CHRNA4: variants seen among roughly 807,000 people sequenced by gnomAD.
The protein encoded by CHRNA4 is neuronal acetylcholine receptor subunit alpha-4.
Under a neutral mutation model 48.9 loss-of-function variants are expected in CHRNA4, and 28 were observed. The observed-to-expected ratio is 0.57, with a 90% CI of 0.42 to 0.79. The LOEUF (loss-of-function observed/expected upper bound fraction) is 0.79, where lower values mean the gene tolerates loss of function less well. Ranked by LOEUF, CHRNA4 falls within the 30% of genes least tolerant of loss-of-function variation. The probability of loss-of-function intolerance (pLI) is 0.00; values close to 1 mark genes in which losing one functional copy is unlikely to be tolerated. For synonymous variants in CHRNA4, 425 were observed against 402.3 expected, an observed-to-expected ratio of 1.06 and a Z score of -0.68; for missense variants, 859 against 898.4, an observed-to-expected ratio of 0.96 and a Z score of 0.56.
rs960641577 is a variant in CHRNA4 at position 63,344,153 on chromosome 20, G to A, written c.*2585C>T. On this transcript the variant is annotated 3_prime_UTR_variant, in exon 6 of 6. Coordinates refer to ENST00000370263, the MANE Select transcript of CHRNA4 (RefSeq NM_000744.7). This position sits in a 1 kb window ranked among gnomAD's most constrained non-coding sequence, Gnocchi z 4.5. ...GAAGGAACAGACAGCAAGGAGCTAC[G>A]GACACACACAACAGCACGGATGAAG... The A allele has an allele frequency of 1.1e-5, 5 of 453,970 alleles. No homozygotes were observed. The highest frequency in any genetic ancestry group is 6.0e-5 in the African/African-American group (3 of 49,982). The allele number at this position is 453,970 out of a possible 1,614,324, so 28.1% of individuals were successfully genotyped here.
chr20:63,355,391 T>G, intron 4 of CHRNA4: 3 of 686,418 alleles, frequency 4.4e-6, no homozygotes, highest in Non-Finnish European at 6.6e-6. Context: ...GCCCGAGGCT[T>G]TGTTTGTTTG....
intron 5 of CHRNA4, chr20:63,347,069 A>G (rs2123464257): frequency 1.4e-6 from 1 of 698,172 alleles, no homozygotes; most frequent in South Asian, 1.7e-5. Context: ...GGGGGGCATC[A>G]TCACCATGGT....
chr20:63,361,105 T>A lies in CHRNA4; in HGVS notation c.61A>T (p.Thr21Ser). 1 of 1,473,136 alleles carries A rather than the reference T, an allele frequency of 6.8e-7. No individual in the cohort carries two copies. Among genetic ancestry groups the A allele is most frequent in the East Asian group, 2.9e-5 (1 of 34,708 alleles). The allele number at this position is 1,473,136 out of a possible 1,614,324, so 91.3% of individuals were successfully genotyped here. The change falls in exon 1 of 6, where the codon ACC becomes TCC. Residue 21 changes from threonine (T) to serine (S), a missense_variant. This residue lies in a region of CHRNA4 where 342 missense variants were observed against 365.3 expected (regional missense o/e 0.94). Coordinates refer to ENST00000370263, the MANE Select transcript of CHRNA4 (RefSeq NM_000744.7). Reference protein sequence around the residue: ...LLPPLLLLLGTGLLRASSHVE... With the variant: ...LLPPLLLLLGSGLLRASSHVE... ...CGTAACTTACCGCGCAGGAGGCCGG[T>A]CCCCAGAAGCAGCAGCAGCGGCGGC...
At chr20:63,359,255 T>C (rs1050487471) in intron 2 of CHRNA4, 8 of 453,944 alleles carry the variant, frequency 1.8e-5, no homozygotes, top group African/African-American at 1.6e-4. Flanking sequence ...AGGCCTTTGC[T>C]GTTCTTTGCT....
chr20:63,355,817 C>T, intron 4 of CHRNA4, 158 bp downstream of exon 4: 8 of 1,100,390 alleles, frequency 7.3e-6, no homozygotes, highest in Non-Finnish European at 9.3e-6. Flanking sequence ...GCTCCTGCTT[C>T]TTCCTTCCTG....
rs121912278 is a variant in CHRNA4 at position 63,350,009 on chromosome 20, C to T, written c.1402G>A (p.Val468Ile). 4.6e-5 allele frequency: 70 copies of T among 1,532,042 alleles called. 1 individual carries two copies. Among genetic ancestry groups the T allele is most frequent in the African/African-American group, 5.5e-5 (4 of 72,916 alleles). The allele number at this position is 1,532,042 out of a possible 1,614,324, so 94.9% of individuals were successfully genotyped here. A position where few individuals can be genotyped will look rare whatever the true frequency, so the allele number is the denominator to read the frequency against. Residue 468 changes from valine (V) to isoleucine (I), a missense_variant, in exon 5 of 6, where the codon GTC becomes ATC. Coordinates refer to ENST00000370263, the MANE Select transcript of CHRNA4 (RefSeq NM_000744.7). ...PGLAKARSLSVQHMSSPGEAV... is the reference protein window; with the variant it reads ...PGLAKARSLSIQHMSSPGEAV... ...TCGCCAGGGCTGGACATGTGCTGGA[C>T]GCTGAGGGACCTGGCTTTGGCCAGC...
At chr20:63,348,909 G>A (rs6062901) in intron 5 of CHRNA4, among the ~76,000 whole-genome samples, 109,138 of 152,166 alleles carry the variant, frequency 0.72, 40,889 homozygotes, top group East Asian at 0.86. Context: ...ATGGGTAGGA[G>A]ACTGCACAGC....
rs779117156 is a variant in CHRNA4 at position 63,349,794 on chromosome 20, C to T, written c.1617G>A (p.Ser539=). The T allele has an allele frequency of 1.9e-5, 31 of 1,607,178 alleles. No homozygotes were observed. The highest frequency in any genetic ancestry group is 3.3e-5 in the Admixed American group (2 of 59,840). Residue 539 remains serine, a synonymous_variant, in exon 5 of 6, where the codon TCG becomes TCA. Transcript: ENST00000370263. ...TCTTGACCGTGGCGCTCGGGGACAC[C>T]GAAGAGGGCTCCTTCTTGCATGTGC... ...CKCTCKKEPS[S]VSPSATVKTR...
chr20:63,360,072 C>T (rs1217136508), intron 1 of CHRNA4: 14 of 319,334 alleles, frequency 4.4e-5, no homozygotes, highest in South Asian at 3.2e-4. Context: ...CAAAACCAGG[C>T]GGCGGATGGG....
At position 63,343,402 on chromosome 20, in the gene CHRNA4, C is replaced by A. The variant is rs989914886; in HGVS notation, c.*3336G>T. On this transcript the variant is annotated 3_prime_UTR_variant, in exon 6 of 6. Coordinates refer to ENST00000370263, the MANE Select transcript of CHRNA4 (RefSeq NM_000744.7). ...GCATCCCCAGGTGCTGTGTGTGCTG[C>A]GCCTGATCCAGCATTTCTGGTGCAA... is the stretch of plus-strand genomic sequence containing the variant. The A allele has an allele frequency of 6.6e-6, 3 of 453,944 alleles. No homozygotes were observed. Among genetic ancestry groups the A allele is most frequent in the South Asian group, 1.6e-5 (1 of 64,482 alleles). 28.1% of individuals were successfully genotyped at this position (453,944 alleles called of 1,614,324 possible).
intron 5 of CHRNA4, chr20:63,349,423 G>A: frequency 1.7e-6 from 1 of 603,272 alleles, no homozygotes; most frequent in East Asian, 2.8e-5. Context: ...GACGGCACCG[G>A]GATCCACCCT....
chr20:63,361,065 G>T (rs1046083741), intron 1 of CHRNA4, 25 bp downstream of exon 1: 3 of 1,428,038 alleles, frequency 2.1e-6, no homozygotes, highest in Non-Finnish European at 2.7e-6. Flanking sequence ...GCGAAAGGGG[G>T]CCCATCCCGC....
At position 63,346,126 on chromosome 20, in the gene CHRNA4, G is replaced by T. The variant is rs1008404206; in HGVS notation, c.*612C>A. On this transcript the variant is annotated 3_prime_UTR_variant, in exon 6 of 6. Transcript: ENST00000370263. ...CCAAGGCTCCTTAGGCACAAGACTTGAGTTCTCACTAACTTACCCAAAACA... is the reference window on the plus strand; with the variant it reads ...CCAAGGCTCCTTAGGCACAAGACTTTAGTTCTCACTAACTTACCCAAAACA... 3 of 454,002 alleles carry T rather than the reference G, an allele frequency of 6.6e-6. No individual in the cohort carries two copies. The highest frequency in any genetic ancestry group is 6.0e-5 in the African/African-American group (3 of 50,020). The allele number at this position is 454,002 out of a possible 1,614,324, so 28.1% of individuals were successfully genotyped here. A position where few individuals can be genotyped will look rare whatever the true frequency, so the allele number is the denominator to read the frequency against.
rs921179056 is a variant in CHRNA4 at position 63,345,518 on chromosome 20, A to C, written c.*1220T>G. 2 of 407,770 alleles carry C rather than the reference A, an allele frequency of 4.9e-6. No individual in the cohort carries two copies. The highest frequency in any genetic ancestry group is 4.1e-5 in the African/African-American group (2 of 48,902). 25.3% of individuals were successfully genotyped at this position (407,770 alleles called of 1,614,324 possible). ...TGCCGGGCTCCAGGGTCATGCCTGG[A>C]AACATTTCAGGCCTCCCTCACCTCT... On this transcript the variant is annotated 3_prime_UTR_variant, in exon 6 of 6. Transcript: ENST00000370263. The surrounding 1 kb of genome is among the most constrained non-coding windows in gnomAD (Gnocchi z 5.4).
chr20:63,351,233 C>T (rs1468554709), intron 4 of CHRNA4: 1 of 487,664 alleles, frequency 2.1e-6, no homozygotes, highest in Non-Finnish European at 3.8e-6. Context: ...CCCACATCCA[C>T]ACCCACGTCC....
intron 2 of CHRNA4, among the ~76,000 whole-genome samples, chr20:63,358,784 C>T (rs1036763188): frequency 6.6e-6 from 1 of 152,202 alleles, no homozygotes; most frequent in Non-Finnish European, 1.5e-5. Flanking sequence ...GGCTGGGAAA[C>T]GTGGAAATGT....
At chr20:63,355,696 C>T in intron 4 of CHRNA4, 2 of 903,978 alleles carry the variant, frequency 2.2e-6, no homozygotes, top group Non-Finnish European at 1.6e-6. Flanking sequence ...CATAGCCACT[C>T]TCAGGCCCCT....
chr20:63,351,149 G>C (rs376375406), intron 4 of CHRNA4, 122 bp from the exon 5 acceptor site: 1 of 674,270 alleles, frequency 1.5e-6, no homozygotes, highest in African/African-American at 2.5e-5. Flanking sequence ...CCACATCCAC[G>C]TCCACGCCCA....
intron 4 of CHRNA4, chr20:63,355,228 G>T: frequency 3.0e-6 from 1 of 336,848 alleles, no homozygotes; most frequent in Non-Finnish European, 5.9e-6. Flanking sequence ...CAGATCTGCA[G>T]GAAGGACAAG....
Sources: gnomAD v4.1 joint callset for allele counts (sites outside exome capture counted in the v4.1 genomes callset) on GRCh38, gnomAD v4.1.1 for gene constraint, gnomAD v4.1.1 regional missense constraint, Gnocchi (gnomAD v3.1) non-coding constraint, MANE v1.5 for transcripts, NCBI Gene and HGNC (gene_info 2026-07-23, HGNC 2026-07-21) for gene names.